The following CREB5 variants were observed in gnomAD, a reference collection of about 807,000 sequenced individuals.
The protein encoded by CREB5 is cAMP responsive element binding protein 5.
A neutral mutation model predicts 57.1 loss-of-function variants in CREB5; 19 were observed. The observed-to-expected ratio is 0.33, with a 90% CI of 0.23 to 0.49. The LOEUF is 0.49. Ranked by LOEUF, CREB5 falls within the 20% of genes least tolerant of loss-of-function variation. The pLI, the probability that CREB5 is intolerant of heterozygous loss-of-function variation, is 0.99. For synonymous variants in CREB5, 238 were observed against 238.3 expected, an observed-to-expected ratio of 1.00 and a Z score of 0.01; for missense variants, 579 against 671.6, an observed-to-expected ratio of 0.86 and a Z score of 1.52.
intron 1 of CREB5, 93 bp downstream of exon 1, chr7:28,413,010 A>C: frequency 8.4e-7 from 1 of 1,195,290 alleles, no homozygotes; most frequent in Non-Finnish European, 1.1e-6. Flanking sequence ...GATGGAATTC[A>C]GAAATGGAGT....
At chr7:28,710,092 T>A (rs1162973916) in intron 5 of CREB5, among the ~76,000 whole-genome samples, 1 of 152,188 alleles carries the variant, frequency 6.6e-6, no homozygotes. Flanking sequence ...TTGATTTAAT[T>A]GATGTGAAAA....
At chr7:28,581,823 C>T (rs899743905) in intron 5 of CREB5, among the ~76,000 whole-genome samples, 18 of 152,164 alleles carry the variant, frequency 1.2e-4, no homozygotes, top group Non-Finnish European at 2.2e-4. Context: ...GCAAGGGAGG[C>T]GCCATGTCTG....
At chr7:28,546,303 T>G (rs1794421724) in intron 4 of CREB5, among the ~76,000 whole-genome samples, 1 of 152,238 alleles carries the variant, frequency 6.6e-6, no homozygotes, top group Non-Finnish European at 1.5e-5. Flanking sequence ...TAATGGACAT[T>G]TGGGTTGTTT....
intron 7 of CREB5, among the ~76,000 whole-genome samples, chr7:28,748,660 G>A (rs1032896410): frequency 6.6e-6 from 1 of 152,124 alleles, no homozygotes. Flanking sequence ...ACTTGGCATC[G>A]GAGCATAGTG....
intron 5 of CREB5, among the ~76,000 whole-genome samples, chr7:28,611,867 C>T (rs923158541): frequency 5.9e-5 from 9 of 151,890 alleles, no homozygotes; most frequent in African/African-American, 1.7e-4. Context: ...CTGTATGTTG[C>T]AAGGGTGAAT....
At chr7:28,572,042 C>A (rs542647423) in intron 5 of CREB5, among the ~76,000 whole-genome samples, 1 of 152,152 alleles carries the variant, frequency 6.6e-6, no homozygotes, top group Non-Finnish European at 1.5e-5. Flanking sequence ...TCTTGTTTTT[C>A]GGTGTTATAA....
chr7:28,372,988 C>T (rs192209821), intron 1 of CREB5, among the ~76,000 whole-genome samples: 25 of 152,270 alleles, frequency 1.6e-4, no homozygotes, highest in Middle Eastern at 3.4e-3. Context: ...AAGGACACAC[C>T]GCTCTGGCTC....
intron 5 of CREB5, among the ~76,000 whole-genome samples, chr7:28,668,067 T>G (rs1417397192): frequency 6.6e-6 from 1 of 152,152 alleles, no homozygotes; most frequent in Non-Finnish European, 1.5e-5. Context: ...AATCACACAT[T>G]TTCATAAACC....
Position 28,680,479 on chromosome 7 carries a change from C to T in CREB5, c.465-38274C>T, listed in dbSNP as rs532408489. Among the ~76,000 whole-genome samples, 137 of 152,226 alleles carry T rather than the reference C, an allele frequency of 9.0e-4. 2 individuals are homozygous for T. In the South Asian group the frequency reaches 0.011, roughly 12 times the overall value. ...CCACAAAAGTTTGGACCTCCTTGGC[C>T]GAGCACTATGGCTCACACCTGTAAT... On this transcript the variant is annotated intron_variant, in intron 5 of 10. Transcript: ENST00000357727.
At chr7:28,386,554 A>C (rs1041561682) in intron 1 of CREB5, among the ~76,000 whole-genome samples, 1 of 152,156 alleles carries the variant, frequency 6.6e-6, no homozygotes, top group African/African-American at 2.4e-5. Flanking sequence ...CTGAACTTGA[A>C]AAGTATTATC....
intron 5 of CREB5, among the ~76,000 whole-genome samples, chr7:28,647,339 T>C (rs1017934003): frequency 3.3e-5 from 5 of 152,062 alleles, no homozygotes; most frequent in Non-Finnish European, 5.9e-5. Context: ...AAGCCTGCAT[T>C]GTGTGCTCTG....
intron 1 of CREB5, among the ~76,000 whole-genome samples, chr7:28,324,482 C>T (rs953483937): frequency 1.2e-4 from 19 of 152,260 alleles, no homozygotes; most frequent in African/African-American, 3.6e-4. Flanking sequence ...AATATCTTGA[C>T]TTTCATGATG....
intron 1 of CREB5, among the ~76,000 whole-genome samples, chr7:28,310,221 A>G (rs1484642055): frequency 6.6e-6 from 1 of 152,192 alleles, no homozygotes; most frequent in Non-Finnish European, 1.5e-5. Flanking sequence ...TGCAGAGAAT[A>G]GGGAGAGTTA....
chr7:28,686,374 G>A (rs1002211591), intron 5 of CREB5, among the ~76,000 whole-genome samples: 2 of 149,898 alleles, frequency 1.3e-5, no homozygotes, highest in African/African-American at 2.5e-5. Context: ...CAGCCCCTCC[G>A]CTCCTCTTCT....
At chr7:28,406,850 C>T (rs1279149843) in intron 1 of CREB5, among the ~76,000 whole-genome samples, 1 of 151,980 alleles carries the variant, frequency 6.6e-6, no homozygotes, top group East Asian at 1.9e-4. Flanking sequence ...CCAGATGACA[C>T]ATGCAGAAGG....
At chr7:28,595,865 T>A (rs999252705) in intron 5 of CREB5, among the ~76,000 whole-genome samples, 15 of 152,232 alleles carry the variant, frequency 9.9e-5, no homozygotes, top group Non-Finnish European at 1.8e-4. Flanking sequence ...GTTTTCATGC[T>A]ACCCCAGTTG....
At chr7:28,318,440 A>C (rs150300972) in intron 1 of CREB5, among the ~76,000 whole-genome samples, 1 of 152,390 alleles carries the variant, frequency 6.6e-6, no homozygotes, top group African/African-American at 2.4e-5. Context: ...TTATTTTCTA[A>C]GTTTCAAAAT....
At chr7:28,754,861 G>A (rs971953437) in intron 7 of CREB5, among the ~76,000 whole-genome samples, 6 of 152,202 alleles carry the variant, frequency 3.9e-5, no homozygotes, top group South Asian at 2.1e-4. Context: ...TGGGTACTAC[G>A]CCTTTGCTTG....
At chr7:28,533,350 G>T (rs1793813737) in intron 4 of CREB5, among the ~76,000 whole-genome samples, 1 of 152,152 alleles carries the variant, frequency 6.6e-6, no homozygotes, top group Admixed American at 6.5e-5. Flanking sequence ...AAAAGTAATT[G>T]TCCCCAGTGA....
Sources: gnomAD v4.1 joint callset for allele counts (sites outside exome capture counted in the v4.1 genomes callset) on GRCh38, gnomAD v4.1.1 for gene constraint, MANE v1.5 for transcripts, NCBI Gene and HGNC (gene_info 2026-07-23, HGNC 2026-07-21) for gene names.